Variants in CREBRF observed in about 807,000 individuals in gnomAD.
CREBRF encodes the protein UPF0474 protein C5orf41.
A neutral mutation model predicts 66.1 loss-of-function variants in CREBRF; 5 were observed. The observed-to-expected ratio is 0.08, with a 90% confidence interval of 0.04 to 0.16. The LOEUF is 0.16. Ranked by LOEUF, CREBRF falls within the 10% of genes least tolerant of loss-of-function variation. The pLI is 1.00. For synonymous variants in CREBRF, 229 were observed against 264.4 expected (o/e 0.87, Z 1.30); for missense variants, 531 against 744.9 (o/e 0.71, Z 3.34).
intron 2 of CREBRF, among the ~76,000 whole-genome samples, chr5:173,082,014 T>TTTTTTTTTTTTTTTTTTTTG (rs1757966771): frequency 5.3e-5 from 6 of 113,784 alleles, no homozygotes; most frequent in Admixed American, 1.7e-4. Flanking sequence ...TTTTTTTTTT[T>TTTTTTTTTTTTTTTTTTTTG]TTTTTTTTTT....
chr5:173,083,255 T>TC (rs1341243680), intron 2 of CREBRF, among the ~76,000 whole-genome samples: 1 of 152,130 alleles, frequency 6.6e-6, no homozygotes, highest in Admixed American at 6.6e-5. Context: ...TTCTTTCTCA[T>TC]TCTCTTTCTT....
chr5:173,080,290 C>T (rs1200831668), intron 1 of CREBRF, among the ~76,000 whole-genome samples: 1 of 149,930 alleles, frequency 6.7e-6, no homozygotes, highest in Non-Finnish European at 1.5e-5. Context: ...CAATATATTA[C>T]ATCTTTCAGA....
In CREBRF at chr5:173,105,063, T is replaced by C. The variant is rs116424800; in HGVS notation, c.1223-3561T>C. Among the ~76,000 whole-genome samples, 404 of 152,268 alleles carry C rather than the reference T, an allele frequency of 2.7e-3. 2 individuals carry two copies. Among genetic ancestry groups the C allele is most frequent in the Middle Eastern group, 6.8e-3 (2 of 292 alleles). On this transcript the variant is annotated intron_variant, in intron 4 of 8. Coordinates refer to ENST00000296953, the MANE Select transcript of CREBRF (RefSeq NM_153607.3). ...CAGCTGTGCCAAATCATGTCAAGTC[T>C]CCATGAGCATTTTAGTTCGTATAAA...
At chr5:173,077,821 T>C (rs1757810842) in intron 1 of CREBRF, among the ~76,000 whole-genome samples, 1 of 152,244 alleles carries the variant, frequency 6.6e-6, no homozygotes, top group African/African-American at 2.4e-5. Flanking sequence ...CCTAATCATA[T>C]AATATTTGTC....
chr5:173,136,242 T>C lies in CREBRF; in HGVS notation c.*2497T>C, dbSNP rs1464877426. ...TCTTGCATTTCAAAAAAAAAAAGAC[T>C]TTGAATCTGTTTAGTAGATTCCATA... On this transcript the variant is annotated 3_prime_UTR_variant, in exon 9 of 9. Coordinates refer to ENST00000296953, the MANE Select transcript of CREBRF (RefSeq NM_153607.3). 4 of 152,454 alleles carry C rather than the reference T, an allele frequency of 2.6e-5. No individual in the cohort carries two copies. Among genetic ancestry groups the C allele is most frequent in the Admixed American group, 1.3e-4 (2 of 15,244 alleles). The allele number at this position is 152,454 out of a possible 1,614,324, so 9.4% of individuals were successfully genotyped here.
At chr5:173,103,698 C>T (rs545155720) in intron 4 of CREBRF, among the ~76,000 whole-genome samples, 5 of 152,150 alleles carry the variant, frequency 3.3e-5, no homozygotes, top group Admixed American at 6.6e-5. Context: ...TTAATAGAGC[C>T]TTTTCTGTGG....
intron 8 of CREBRF, among the ~76,000 whole-genome samples, chr5:173,127,586 A>C (rs955824435): frequency 6.6e-6 from 1 of 151,346 alleles, no homozygotes; most frequent in Admixed American, 6.6e-5. Context: ...CAGCCTCCCA[A>C]GTAGCTGGGA....
chr5:173,090,956 A>G lies in CREBRF; in HGVS notation c.777A>G (p.Ala259=), dbSNP rs1416037240. Residue 259 remains alanine, a synonymous_variant, in exon 4 of 9, where the codon GCA becomes GCG. Transcript: ENST00000296953. This position sits in a 1 kb window ranked among gnomAD's most constrained non-coding sequence, Gnocchi z 4.5. The stretch of plus-strand genomic sequence containing the variant: ...TGTTGAGCCAGATTCACACAGATGC[A>G]GCAAAGGAGAACACCTGCTACTGTG... ...RPLLSQIHTD[A]AKENTCYCGA... The G allele has an allele frequency of 5.6e-6, 9 of 1,614,222 alleles. No individual in the cohort carries two copies. The highest frequency in any genetic ancestry group is 7.6e-6 in the Non-Finnish European group (9 of 1,180,034).
chr5:173,112,149 A>G (rs1758885083), intron 6 of CREBRF, among the ~76,000 whole-genome samples, 157 bp from the exon 7 acceptor site: 1 of 152,164 alleles, frequency 6.6e-6, no homozygotes, highest in Admixed American at 6.6e-5. Context: ...CATGCCTATA[A>G]TCCCAGCACT....
chr5:173,086,289 C>G (rs1386796614), intron 2 of CREBRF: 3 of 638,038 alleles, frequency 4.7e-6, no homozygotes, highest in Non-Finnish European at 8.4e-6. Context: ...TGGCAGCACT[C>G]TATTTTTTCT....
At chr5:173,123,508 A>G (rs964493567) in intron 8 of CREBRF, 8 of 272,692 alleles carry the variant, frequency 2.9e-5, no homozygotes, top group Non-Finnish European at 5.5e-5. Flanking sequence ...TGCAGTTTGC[A>G]CTTTAGTGTA....
chr5:173,118,951 C>T (rs912078640), intron 7 of CREBRF, among the ~76,000 whole-genome samples: 6 of 151,764 alleles, frequency 4.0e-5, no homozygotes, highest in Non-Finnish European at 5.9e-5. Context: ...GCCTCGAACT[C>T]CTGGGCTCAA....
chr5:173,133,561 C>A, intron 8 of CREBRF, 69 bp from the exon 9 acceptor site: 1 of 823,796 alleles, frequency 1.2e-6, no homozygotes, highest in Non-Finnish European at 2.0e-6. Context: ...CAGTTTTTAC[C>A]AGCTCCTTCC....
chr5:173,085,016 T>TA (rs1471603087), intron 2 of CREBRF, among the ~76,000 whole-genome samples: 5 of 151,902 alleles, frequency 3.3e-5, no homozygotes, highest in African/African-American at 1.2e-4. Context: ...AATTTCGGCT[T>TA]ACTGCAGCCT....
chr5:173,096,481 T>G (rs1758480579), intron 4 of CREBRF, among the ~76,000 whole-genome samples: 1 of 106,818 alleles, frequency 9.4e-6, no homozygotes, highest in African/African-American at 3.6e-5. Flanking sequence ...CTCCCCTTTC[T>G]GTGTCCAGTC....
At chr5:173,064,962 G>A (rs755601594) in intron 1 of CREBRF, among the ~76,000 whole-genome samples, 135 of 152,248 alleles carry the variant, frequency 8.9e-4, no homozygotes, top group Non-Finnish European at 6.5e-4. Flanking sequence ...TCCTGCCTCA[G>A]CCTCCCAAAG....
intron 4 of CREBRF, among the ~76,000 whole-genome samples, chr5:173,106,732 C>CTATTTTATTT (rs70984940): frequency 0.027 from 3,989 of 148,240 alleles, 64 homozygotes; most frequent in Middle Eastern, 0.069. Flanking sequence ...ATTCCCTCTT[C>CTATTTTATTT]TATTTTATTT....
chr5:173,107,090 A>G (rs1581031610), intron 4 of CREBRF, among the ~76,000 whole-genome samples: 1 of 152,136 alleles, frequency 6.6e-6, no homozygotes, highest in Admixed American at 6.5e-5. Context: ...TCCACTGCCA[A>G]TCCCTGGCAA....
At chr5:173,091,749 G>C (rs1402922323) in intron 4 of CREBRF, 3 of 1,005,254 alleles carry the variant, frequency 3.0e-6, no homozygotes, top group Non-Finnish European at 3.6e-6. Context: ...ACTCTCTTGA[G>C]CATTTATGCA....
Sources: allele counts gnomAD v4.1 joint callset (sites outside exome capture counted in the v4.1 genomes callset), GRCh38; gene constraint gnomAD v4.1.1; non-coding constraint Gnocchi (gnomAD v3.1); transcripts MANE v1.5; gene names NCBI Gene and HGNC (gene_info 2026-07-23, HGNC 2026-07-21).